Variants in DCP2 observed in about 807,000 individuals in gnomAD.
The protein encoded by DCP2 is m7GpppN-mRNA hydrolase.
A neutral mutation model predicts 56.1 loss-of-function variants in DCP2; 30 were observed. That is an observed-to-expected ratio of 0.53 (90% CI 0.40 to 0.73). The LOEUF is 0.73. Among genes scored for constraint, DCP2 ranks in the 30% least tolerant of loss-of-function variants. The pLI is 0.00. For missense variants in DCP2, 533 were observed against 502.7 expected (o/e 1.06, Z -0.58); for synonymous variants, 197 against 163.3 (o/e 1.21, Z -1.57).
intron 10 of DCP2, 130 bp downstream of exon 10, chr5:113,010,937 A>G (rs1333215138): frequency 1.0e-6 from 1 of 956,354 alleles, no homozygotes; most frequent in East Asian, 2.7e-5. Flanking sequence ...TTCTGTAGAA[A>G]GAGTTCATGT....
chr5:112,983,033 A>G (rs1194126112), intron 1 of DCP2, among the ~76,000 whole-genome samples: 1 of 152,204 alleles, frequency 6.6e-6, no homozygotes, highest in Non-Finnish European at 1.5e-5. Context: ...GGTGGTGGTT[A>G]TCAGTGTTGA....
intron 7 of DCP2, among the ~76,000 whole-genome samples, chr5:113,003,167 T>TCG (rs11471511): frequency 0.75 from 113,849 of 151,546 alleles, 42,948 homozygotes; most frequent in African/African-American, 0.81. Context: ...AAAAGCTGAC[T>TCG]AATTCCTGAC....
intron 10 of DCP2, among the ~76,000 whole-genome samples, chr5:113,012,953 T>C (rs1303538328): frequency 1.3e-5 from 2 of 152,342 alleles, no homozygotes; most frequent in East Asian, 3.9e-4. Flanking sequence ...GATTTTTCTT[T>C]ATGGTGATAA....
At chr5:112,986,705 CA>C (rs1347056067) in intron 2 of DCP2, among the ~76,000 whole-genome samples, 1 of 151,990 alleles carries the variant, frequency 6.6e-6, no homozygotes, top group African/African-American at 2.4e-5. Context: ...GTGGCAAATA[CA>C]AAGAAGCCCT....
chr5:113,021,958 C>T lies in DCP2; in HGVS notation c.*8474C>T, dbSNP rs904204339. The T allele has an allele frequency of 6.6e-5, 10 of 152,138 alleles. No homozygotes were observed. Among genetic ancestry groups the T allele is most frequent in the African/African-American group, 2.4e-4 (10 of 41,422 alleles). 9.4% of individuals were successfully genotyped at this position (152,138 alleles called of 1,614,324 possible). A position where few individuals can be genotyped will look rare whatever the true frequency, so the allele number is the denominator to read the frequency against. On this transcript the variant is annotated 3_prime_UTR_variant, in exon 11 of 11. Transcript: ENST00000389063. ...ATGAGGGTTCTTTGGCCATTTTGAT[C>T]TAATAATAGTCTTACTTCTAGACCC...
intron 4 of DCP2, among the ~76,000 whole-genome samples, chr5:113,000,420 A>ACACACACACACACACCCC (rs112449298): frequency 0.014 from 2,023 of 146,750 alleles, 59 homozygotes; most frequent in Non-Finnish European, 0.016. Context: ...ACACACACAC[A>ACACACACACACACACCCC]CACACCCACA....
At chr5:113,005,881 C>T (rs1304567651) in intron 8 of DCP2, among the ~76,000 whole-genome samples, 1 of 152,068 alleles carries the variant, frequency 6.6e-6, no homozygotes, top group African/African-American at 2.4e-5. Flanking sequence ...ACCTGTAATC[C>T]CATCTCTTTG....
chr5:112,986,143 A>G (rs1041517615), intron 2 of DCP2, 157 bp downstream of exon 2: 12 of 615,592 alleles, frequency 1.9e-5, no homozygotes, highest in Non-Finnish European at 2.9e-5. Flanking sequence ...ACAATTTAGT[A>G]ATAATCATAT....
chr5:112,984,693 A>ATAT (rs1267092599), intron 1 of DCP2: 5 of 75,716 alleles, frequency 6.6e-5, no homozygotes, highest in African/African-American at 3.8e-4. Flanking sequence ...AATTAAAAAA[A>ATAT]AAAAAAAAAA....
intron 7 of DCP2, among the ~76,000 whole-genome samples, chr5:113,002,181 G>C (rs572938584): frequency 6.6e-6 from 1 of 152,286 alleles, no homozygotes; most frequent in African/African-American, 2.4e-5. Context: ...CCAGCACTTT[G>C]GGAGGCCAAG....
At chr5:112,994,980 A>C (rs1174728493) in intron 4 of DCP2, among the ~76,000 whole-genome samples, 1 of 152,212 alleles carries the variant, frequency 6.6e-6, no homozygotes, top group Non-Finnish European at 1.5e-5. Context: ...GATTTCCTGC[A>C]ACAATGTTTA....
intron 2 of DCP2, among the ~76,000 whole-genome samples, chr5:112,989,630 A>G (rs1019969453): frequency 6.6e-6 from 1 of 152,198 alleles, no homozygotes; most frequent in Non-Finnish European, 1.5e-5. Context: ...GATTAAAAAA[A>G]CTTATTTTGG....
At position 112,992,144 on chromosome 5, in the gene DCP2, C is replaced by T. The variant is rs1243823752; in HGVS notation, c.229C>T (p.Leu77=). 4 of 1,613,630 alleles carry T rather than the reference C, an allele frequency of 2.5e-6. No homozygotes were observed. Among genetic ancestry groups the T allele is most frequent in the Admixed American group, 3.3e-5 (2 of 59,932 alleles). ...KAVFSHCPFL[L]PQGEDVEKVL... ...ACTCTTCAGTCATTGTCCGTTTTTG[C>T]TGCCTCAAGGTGAAGATGTGGAAAA... The change falls in exon 3 of 11, where the codon CTG becomes TTG. Residue 77 remains leucine, a synonymous_variant. Transcript: ENST00000389063.
rs1479435830 is a variant in DCP2, at chr5:113,020,762, T to C, written c.*7278T>C. 1 of 152,242 alleles carries C rather than the reference T, an allele frequency of 6.6e-6. No homozygotes were observed. Among genetic ancestry groups the C allele is most frequent in the Non-Finnish European group, 1.5e-5 (1 of 68,034 alleles). 9.4% of individuals were successfully genotyped at this position (152,242 alleles called of 1,614,324 possible). A position where few individuals can be genotyped will look rare whatever the true frequency, so the allele number is the denominator to read the frequency against. On this transcript the variant is annotated 3_prime_UTR_variant, in exon 11 of 11. Coordinates refer to ENST00000389063, the MANE Select transcript of DCP2 (RefSeq NM_152624.6). ...CACTGAGAAAATGAACAAAATCCTA[T>C]GTCTTAACAGTTATGCTCTAACTTT...
At chr5:113,010,514 T>C (rs151115308) in intron 9 of DCP2, among the ~76,000 whole-genome samples, 1 of 152,190 alleles carries the variant, frequency 6.6e-6, no homozygotes, top group Admixed American at 6.5e-5. Context: ...CCAATACTTG[T>C]CTATTTTTTT....
chr5:113,009,834 AAC>A (rs1420478553), intron 9 of DCP2, among the ~76,000 whole-genome samples: 14 of 152,332 alleles, frequency 9.2e-5, no homozygotes, highest in East Asian at 3.9e-4. Flanking sequence ...AAAAGATGTT[AAC>A]ACACATCTTC....
At chr5:112,993,958 A>T (rs1052893221) in intron 4 of DCP2, among the ~76,000 whole-genome samples, 32 of 151,052 alleles carry the variant, frequency 2.1e-4, no homozygotes, top group South Asian at 2.1e-4. Flanking sequence ...TTTAATTTTT[A>T]TTTATTTATT....
Position 113,005,151 on chromosome 5 carries a change from G to GGTGTGTGGGGGT in DCP2, c.942+1081_942+1082insGGGGTGTGTGTG, listed in dbSNP as rs70973659. On this transcript the variant is annotated intron_variant, in intron 8 of 10. Coordinates refer to ENST00000389063, the MANE Select transcript of DCP2 (RefSeq NM_152624.6). ...TCTCAAAAAAAAAAGTGTGCGTGTG[G>GGTGTGTGGGGGT]GTGTGTGTGTGTGTGTGTAAACTGG... 6.0e-4 allele frequency among the ~76,000 whole-genome samples: 90 copies of GGTGTGTGGGGGT among 149,522 alleles called. 1 individual carries two copies. The highest frequency in any genetic ancestry group is 1.3e-3 in the South Asian group (6 of 4,740).
At position 113,018,500 on chromosome 5, in the gene DCP2, C is replaced by G. The variant is rs1447894578; in HGVS notation, c.*5016C>G. The G allele has an allele frequency of 3.3e-5, 5 of 152,224 alleles. No homozygotes were observed. Among genetic ancestry groups the G allele is most frequent in the African/African-American group, 1.2e-4 (5 of 41,448 alleles). 9.4% of individuals were successfully genotyped at this position (152,224 alleles called of 1,614,324 possible). A position where few individuals can be genotyped will look rare whatever the true frequency, so the allele number is the denominator to read the frequency against. On this transcript the variant is annotated 3_prime_UTR_variant, in exon 11 of 11. Coordinates refer to ENST00000389063, the MANE Select transcript of DCP2 (RefSeq NM_152624.6). ...CTGGGTAGTATTGGTCAAAGGTACT[C>G]TGAAGAGTGAATGCAGAAATCAGTT...
Sources: allele counts gnomAD v4.1 joint callset (sites outside exome capture counted in the v4.1 genomes callset), GRCh38; gene constraint gnomAD v4.1.1; transcripts MANE v1.5; gene names NCBI Gene and HGNC (gene_info 2026-07-23, HGNC 2026-07-21).